Variants in ATP9A observed in about 807,000 individuals in gnomAD.
The protein encoded by ATP9A is probable phospholipid-transporting ATPase IIA.
Under a neutral mutation model 144.1 loss-of-function variants are expected in ATP9A, and 52 were observed. The ratio of observed to expected loss-of-function variants is 0.36; its 90% CI spans 0.29 to 0.45. The LOEUF (loss-of-function observed/expected upper bound fraction) is 0.45. Among genes scored for constraint, ATP9A ranks in the 20% least tolerant of loss-of-function variants. The pLI is 1.00. For synonymous variants in ATP9A, 582 were observed against 557.4 expected (o/e 1.04, Z -0.62); for missense variants, 947 against 1,392.7 (o/e 0.68, Z 5.09).
chr20:51,689,586 G>A (rs764398461), intron 8 of ATP9A, among the ~76,000 whole-genome samples: 90 of 150,676 alleles, frequency 6.0e-4, no homozygotes, highest in Non-Finnish European at 1.0e-3. Context: ...CACCCAGGCT[G>A]GAGTGCAGTG....
In ATP9A at chr20:51,712,309, T is replaced by C. The variant is rs189789418; in HGVS notation, c.436+657A>G. Among the ~76,000 whole-genome samples, 202 of 152,180 alleles carry C rather than the reference T, an allele frequency of 1.3e-3. 2 individuals carry two copies. In the East Asian group the frequency reaches 0.031, roughly 23 times the overall value. Reference sequence around the variant, plus strand: ...CAGGATGGTCTCGATCTCCGGACCTTGTGATCAGCCCGCCTCGGCCTCCCA... The same window carrying C: ...CAGGATGGTCTCGATCTCCGGACCTCGTGATCAGCCCGCCTCGGCCTCCCA... On this transcript the variant is annotated intron_variant, in intron 4 of 27. Transcript: ENST00000338821.
intron 4 of ATP9A, among the ~76,000 whole-genome samples, chr20:51,708,152 T>C (rs2077622327): frequency 6.6e-6 from 1 of 152,172 alleles, no homozygotes; most frequent in South Asian, 2.1e-4. Flanking sequence ...CCAATTGATG[T>C]TGTTCGAGAT....
intron 14 of ATP9A, among the ~76,000 whole-genome samples, chr20:51,654,955 G>A (rs2077381224): frequency 1.3e-5 from 2 of 152,096 alleles, no homozygotes; most frequent in African/African-American, 4.8e-5. Context: ...TGTCTTGTTA[G>A]CACTAATATC....
intron 3 of ATP9A, among the ~76,000 whole-genome samples, chr20:51,721,023 A>C (rs1214302401): frequency 6.6e-6 from 1 of 152,210 alleles, no homozygotes; most frequent in African/African-American, 2.4e-5. Flanking sequence ...AAAATGACTC[A>C]GAGCAGAAAA....
chr20:51,651,930 CA>C (rs2077368425), intron 14 of ATP9A, among the ~76,000 whole-genome samples: 1 of 150,802 alleles, frequency 6.6e-6, no homozygotes, highest in Admixed American at 6.6e-5. Flanking sequence ...AGCGCCTGGC[CA>C]AAAAAAGAAA....
At chr20:51,677,244 A>C (rs1182124495) in intron 9 of ATP9A, among the ~76,000 whole-genome samples, 1 of 152,048 alleles carries the variant, frequency 6.6e-6, no homozygotes, top group Non-Finnish European at 1.5e-5. Flanking sequence ...CAACAGCCAC[A>C]CTATGAGAAC....
chr20:51,609,867 A>T (rs892582011), intron 24 of ATP9A, among the ~76,000 whole-genome samples: 2 of 152,226 alleles, frequency 1.3e-5, no homozygotes, highest in Non-Finnish European at 2.9e-5. Context: ...GGCAAAGTGC[A>T]ACACACCACA....
At chr20:51,657,519 C>A (rs2122770273) in intron 13 of ATP9A, among the ~76,000 whole-genome samples, 1 of 152,216 alleles carries the variant, frequency 6.6e-6, no homozygotes, top group East Asian at 1.9e-4. Flanking sequence ...CACTTGGGTA[C>A]TCCTATGTTG....
chr20:51,761,191 T>G (rs191272403), intron 1 of ATP9A, among the ~76,000 whole-genome samples: 1 of 152,266 alleles, frequency 6.6e-6, no homozygotes, highest in Admixed American at 6.5e-5. Flanking sequence ...AGAGGAAACA[T>G]GAGTTCAGAG....
rs149983197 is a variant in ATP9A, at chr20:51,612,412, A to G, written c.2571+1265T>C. Reference sequence around the variant, plus strand: ...TCTACTCCACACTTAATTGCTACAGACTGATGGCAAATTTTGTTGTTGTTG... The same window carrying G: ...TCTACTCCACACTTAATTGCTACAGGCTGATGGCAAATTTTGTTGTTGTTG... On this transcript the variant is annotated intron_variant, in intron 23 of 27. Coordinates refer to ENST00000338821, the MANE Select transcript of ATP9A (RefSeq NM_006045.3). Among the ~76,000 whole-genome samples the G allele has an allele frequency of 1.1e-4, 16 of 152,198 alleles. 1 individual carries two copies. The East Asian group carries it at 3.1e-3, about 29-fold the overall frequency.
chr20:51,726,313 CAAAAAAAAAAA>C (rs11476208), intron 2 of ATP9A, among the ~76,000 whole-genome samples: 44 of 70,762 alleles, frequency 6.2e-4, no homozygotes, highest in African/African-American at 1.1e-3. Context: ...AACTCTGTCT[CAAAAAAAAAAA>C]AAAAAAAAAA....
At chr20:51,737,553 G>A (rs148840660) in intron 1 of ATP9A, among the ~76,000 whole-genome samples, 3 of 152,260 alleles carry the variant, frequency 2.0e-5, no homozygotes, top group African/African-American at 7.2e-5. Context: ...ACTAAGAAGC[G>A]TATTCACAGA....
chr20:51,693,250 G>A (rs1044730359), intron 7 of ATP9A, among the ~76,000 whole-genome samples: 3 of 152,242 alleles, frequency 2.0e-5, no homozygotes, highest in African/African-American at 7.2e-5. Flanking sequence ...CCGATAAGGA[G>A]AATCGTGAGC....
chr20:51,630,279 A>T (rs1394099910), intron 15 of ATP9A, among the ~76,000 whole-genome samples: 1 of 152,200 alleles, frequency 6.6e-6, no homozygotes. Flanking sequence ...GGGAGGTGGG[A>T]GGCAGTAAAG....
intron 21 of ATP9A, among the ~76,000 whole-genome samples, chr20:51,618,049 G>A (rs1180178312): frequency 1.3e-5 from 2 of 151,924 alleles, no homozygotes; most frequent in Non-Finnish European, 2.9e-5. Flanking sequence ...GAGAAACCCC[G>A]TTTCTACTAA....
At chr20:51,605,048 C>G (rs1409089777) in intron 26 of ATP9A, 28 bp from the exon 27 acceptor site, 1 of 1,550,106 alleles carries the variant, frequency 6.5e-7, no homozygotes, top group African/African-American at 1.4e-5. Context: ...GGGTATTCCC[C>G]TCACCCTCCC....
intron 2 of ATP9A, 36 bp from the exon 3 acceptor site, chr20:51,725,968 G>A: frequency 8.1e-7 from 1 of 1,229,910 alleles, no homozygotes; most frequent in Non-Finnish European, 1.2e-6. Flanking sequence ...AAGACATTCA[G>A]GGCTTGTCTG....
chr20:51,746,047 G>T (rs576438943), intron 1 of ATP9A, among the ~76,000 whole-genome samples: 1 of 152,262 alleles, frequency 6.6e-6, no homozygotes, highest in Non-Finnish European at 1.5e-5. Flanking sequence ...TGAGCTGGAG[G>T]CTATTATCCT....
At chr20:51,733,720 C>A (rs1360296968) in intron 1 of ATP9A, among the ~76,000 whole-genome samples, 1 of 151,336 alleles carries the variant, frequency 6.6e-6, no homozygotes, top group Non-Finnish European at 1.5e-5. Flanking sequence ...ATTACCCAGG[C>A]TGGTGTACAG....
Sources: gnomAD v4.1 joint callset for allele counts (sites outside exome capture counted in the v4.1 genomes callset) on GRCh38, gnomAD v4.1.1 for gene constraint, MANE v1.5 for transcripts, NCBI Gene and HGNC (gene_info 2026-07-23, HGNC 2026-07-21) for gene names.